TMEM135: variants seen among roughly 807,000 people sequenced by gnomAD.
TMEM135 encodes the protein transmembrane protein 135, also known as peroxisomal membrane protein 52.
TMEM135 carries 30 observed loss-of-function variants against 60.3 expected under a neutral mutation model. The ratio of observed to expected loss-of-function variants is 0.50; its 90% CI spans 0.37 to 0.68. TMEM135 has a LOEUF of 0.68. TMEM135 is among the 30% of genes least tolerant of loss of function. The pLI, the probability that TMEM135 is intolerant of heterozygous loss-of-function variation, is 0.00. For missense variants in TMEM135, 468 were observed against 548.8 expected, an observed-to-expected ratio of 0.85 and a Z score of 1.47; for synonymous variants, 190 against 186.7, an observed-to-expected ratio of 1.02 and a Z score of -0.14.
intron 3 of TMEM135, among the ~76,000 whole-genome samples, chr11:87,081,285 C>G (rs2135154832): frequency 7.2e-6 from 1 of 139,282 alleles, no homozygotes; most frequent in South Asian, 2.3e-4. Context: ...TCCTTACTTC[C>G]TTTGTATTGT....
At chr11:87,122,380 GTCA>G (rs1276536596) in intron 4 of TMEM135, among the ~76,000 whole-genome samples, 1 of 116,566 alleles carries the variant, frequency 8.6e-6, no homozygotes, top group Non-Finnish European at 1.8e-5. Context: ...CTTTAAATTT[GTCA>G]TCATAAAATC....
chr11:87,039,692 T>C (rs1347876156), intron 1 of TMEM135, among the ~76,000 whole-genome samples: 1 of 152,258 alleles, frequency 6.6e-6, no homozygotes, highest in African/African-American at 2.4e-5. Context: ...ACAAACATTA[T>C]TGAGCTCTTG....
intron 3 of TMEM135, among the ~76,000 whole-genome samples, chr11:87,082,997 G>C (rs962509044): frequency 6.6e-6 from 1 of 152,102 alleles, no homozygotes; most frequent in Non-Finnish European, 1.5e-5. Context: ...TAAATACATA[G>C]ATAAAGATCT....
chr11:87,151,279 C>A (rs1397430373), intron 4 of TMEM135, among the ~76,000 whole-genome samples: 2 of 151,998 alleles, frequency 1.3e-5, no homozygotes, highest in Non-Finnish European at 2.9e-5. Context: ...AGTTTCTCAA[C>A]TTTTATTTGG....
chr11:87,172,304 A>G (rs11828147), intron 5 of TMEM135, among the ~76,000 whole-genome samples: 3 of 152,172 alleles, frequency 2.0e-5, no homozygotes, highest in Non-Finnish European at 4.4e-5. Context: ...TACACTCTGT[A>G]TGAGACAAAA....
At chr11:87,154,356 G>A (rs1021541962) in intron 4 of TMEM135, among the ~76,000 whole-genome samples, 27 of 152,086 alleles carry the variant, frequency 1.8e-4, no homozygotes, top group African/African-American at 5.6e-4. Flanking sequence ...TGTATATACC[G>A]TATTTTGTTT....
At chr11:87,262,508 G>T (rs116956026) in intron 6 of TMEM135, among the ~76,000 whole-genome samples, 2 of 152,086 alleles carry the variant, frequency 1.3e-5, no homozygotes, top group East Asian at 1.9e-4. Context: ...TAGCCATTTC[G>T]ATTTCCTACC....
chr11:87,305,693 G>C (rs1396269776), intron 8 of TMEM135, among the ~76,000 whole-genome samples: 1 of 152,116 alleles, frequency 6.6e-6, no homozygotes, highest in African/African-American at 2.4e-5. Context: ...AGAATCGCTT[G>C]AACCTGGGAG....
chr11:87,097,433 C>T (rs1294372036), intron 4 of TMEM135, among the ~76,000 whole-genome samples: 1 of 152,192 alleles, frequency 6.6e-6, no homozygotes, highest in African/African-American at 2.4e-5. Flanking sequence ...AGCTGGATTC[C>T]AAAACCTAGT....
chr11:87,218,532 A>T (rs1423140011), intron 5 of TMEM135, among the ~76,000 whole-genome samples: 1 of 152,158 alleles, frequency 6.6e-6, no homozygotes, highest in Non-Finnish European at 1.5e-5. Flanking sequence ...CTGAAAAATG[A>T]ATATACCAGC....
At chr11:87,070,327 A>AT (rs1341890234) in intron 2 of TMEM135, among the ~76,000 whole-genome samples, 1 of 152,026 alleles carries the variant, frequency 6.6e-6, no homozygotes, top group Non-Finnish European at 1.5e-5. Flanking sequence ...AGGAAAAAAA[A>AT]CTTCCTCATG....
At chr11:87,140,573 C>G (rs1938234574) in intron 4 of TMEM135, among the ~76,000 whole-genome samples, 1 of 152,146 alleles carries the variant, frequency 6.6e-6, no homozygotes, top group Admixed American at 6.5e-5. Flanking sequence ...GTCAATGTCA[C>G]ATTTTAAGAA....
intron 6 of TMEM135, among the ~76,000 whole-genome samples, chr11:87,283,560 T>C (rs1237842945): frequency 6.6e-6 from 1 of 151,634 alleles, no homozygotes; most frequent in Non-Finnish European, 1.5e-5. Flanking sequence ...AATATGCATT[T>C]GAAAATAAAT....
chr11:87,106,935 T>C (rs137873022), intron 4 of TMEM135, among the ~76,000 whole-genome samples: 1 of 152,248 alleles, frequency 6.6e-6, no homozygotes, highest in Non-Finnish European at 1.5e-5. Context: ...GGAGCCAGCA[T>C]GTCACGTGGT....
At chr11:87,135,762 A>G (rs1938079499) in intron 4 of TMEM135, among the ~76,000 whole-genome samples, 1 of 152,006 alleles carries the variant, frequency 6.6e-6, no homozygotes, top group Non-Finnish European at 1.5e-5. Context: ...CAGCTCTTCA[A>G]TTTTTGTATA....
rs146103383 is a variant in TMEM135, at chr11:87,206,043, C to T, written c.463-30595C>T. Among the ~76,000 whole-genome samples the T allele has an allele frequency of 8.3e-3, 1,265 of 152,238 alleles. 6 individuals are homozygous for T. The highest frequency in any genetic ancestry group is 0.013 in the Non-Finnish European group (909 of 67,996). ...CTGTAGGTCTCATCTGGTCTATCTG[C>T]GCTAGTGGTTGTGAACTACTGCTCT... On this transcript the variant is annotated intron_variant, in intron 5 of 14. Coordinates refer to ENST00000305494, the MANE Select transcript of TMEM135 (RefSeq NM_022918.4).
At chr11:87,112,357 A>C (rs916984164) in intron 4 of TMEM135, among the ~76,000 whole-genome samples, 1 of 148,036 alleles carries the variant, frequency 6.8e-6, no homozygotes, top group Non-Finnish European at 1.5e-5. Flanking sequence ...TAACTACTTA[A>C]GCCCTAAAAA....
chr11:87,217,304 G>T (rs980348604), intron 5 of TMEM135, among the ~76,000 whole-genome samples: 9 of 152,106 alleles, frequency 5.9e-5, no homozygotes, highest in African/African-American at 2.2e-4. Context: ...TTGTTTGTGT[G>T]TCTCTTGTAG....
chr11:87,178,203 G>C (rs1033051589), intron 5 of TMEM135, among the ~76,000 whole-genome samples: 3 of 151,910 alleles, frequency 2.0e-5, no homozygotes, highest in African/African-American at 7.3e-5. Context: ...GGTTTTTTTG[G>C]TGACCAGTCC....
Sources: gnomAD v4.1 joint callset for allele counts (sites outside exome capture counted in the v4.1 genomes callset) on GRCh38, gnomAD v4.1.1 for gene constraint, MANE v1.5 for transcripts, NCBI Gene and HGNC (gene_info 2026-07-23, HGNC 2026-07-21) for gene names.